Variants in FOXP1 observed in about 807,000 individuals in gnomAD.
The protein encoded by FOXP1 is forkhead box P1.
Under a neutral mutation model 98.2 loss-of-function variants are expected in FOXP1, and 15 were observed. The observed-to-expected ratio is 0.15, with a 90% confidence interval of 0.10 to 0.24. The LOEUF is 0.24. Ranked by LOEUF, FOXP1 falls within the 10% of genes least tolerant of loss-of-function variation. FOXP1 has a pLI of 1.00. For synonymous variants in FOXP1, 371 were observed against 314.5 expected (o/e 1.18, Z -1.90); for missense variants, 633 against 848.5 (o/e 0.75, Z 3.15).
intron 9 of FOXP1, among the ~76,000 whole-genome samples, chr3:71,049,185 C>T (rs1392350413): frequency 1.3e-5 from 2 of 152,136 alleles, no homozygotes; most frequent in Admixed American, 6.5e-5. Context: ...CCTCGAGTTT[C>T]GGATCCCCTC....
At chr3:71,124,705 T>A (rs2059035687) in intron 6 of FOXP1, among the ~76,000 whole-genome samples, 1 of 151,656 alleles carries the variant, frequency 6.6e-6, no homozygotes, top group South Asian at 2.1e-4. Context: ...ATAAAGATTA[T>A]GTGACATGTG....
intron 8 of FOXP1, 63 bp downstream of exon 8, chr3:71,053,573 T>C (rs2050202621): frequency 1.2e-6 from 2 of 1,603,596 alleles, no homozygotes; most frequent in Non-Finnish European, 1.7e-6. Flanking sequence ...AGATTGCGAA[T>C]GGAGTGATGG....
chr3:71,246,261 T>C (rs559546762), intron 5 of FOXP1, among the ~76,000 whole-genome samples: 1 of 152,076 alleles, frequency 6.6e-6, no homozygotes, highest in Non-Finnish European at 1.5e-5. Flanking sequence ...GCCCTCGGTG[T>C]GCAAGGACGG....
At chr3:71,291,179 C>T (rs1449249064) in intron 5 of FOXP1, among the ~76,000 whole-genome samples, 3 of 152,116 alleles carry the variant, frequency 2.0e-5, no homozygotes, top group Non-Finnish European at 4.4e-5. Flanking sequence ...GGCTTGGTGG[C>T]TGTGCTGTCC....
intron 4 of FOXP1, among the ~76,000 whole-genome samples, chr3:71,312,347 A>G (rs1487576663): frequency 6.6e-6 from 1 of 152,046 alleles, no homozygotes; most frequent in Non-Finnish European, 1.5e-5. Context: ...AGCAGGGTGG[A>G]GGTATAGATA....
intron 4 of FOXP1, among the ~76,000 whole-genome samples, chr3:71,327,544 C>T (rs972229073): frequency 2.6e-5 from 4 of 150,964 alleles, no homozygotes; most frequent in Non-Finnish European, 5.9e-5. Flanking sequence ...CCTGCCACCA[C>T]GCCCAGCTAA....
chr3:71,010,352 A>G lies in FOXP1; in HGVS notation c.974+5197T>C, dbSNP rs149287593. Among the ~76,000 whole-genome samples the G allele has an allele frequency of 7.2e-5, 11 of 152,238 alleles. No homozygotes were observed. In the East Asian group the frequency reaches 1.7e-3, roughly 24 times the overall value. On this transcript the variant is annotated intron_variant, in intron 12 of 20. Coordinates refer to ENST00000649528, the MANE Select transcript of FOXP1 (RefSeq NM_001349338.3). ...GACTCCACCTCTTATTAGCTGTGTGACCTTGGGTAAATCATTTAACCTCTC... is the reference window on the plus strand; with the variant it reads ...GACTCCACCTCTTATTAGCTGTGTGGCCTTGGGTAAATCATTTAACCTCTC...
chr3:71,209,242 G>T (rs2064280137), intron 5 of FOXP1, among the ~76,000 whole-genome samples: 1 of 152,150 alleles, frequency 6.6e-6, no homozygotes, highest in South Asian at 2.1e-4. Context: ...AACTACTAAA[G>T]GTTGGATTTG....
At chr3:71,506,241 C>T (rs1220731115) in intron 2 of FOXP1, among the ~76,000 whole-genome samples, 1 of 152,130 alleles carries the variant, frequency 6.6e-6, no homozygotes, top group Admixed American at 6.6e-5. Flanking sequence ...CTGTGATACT[C>T]GTGGTCCAAC....
At chr3:71,055,370 C>T (rs757858287) in intron 7 of FOXP1, among the ~76,000 whole-genome samples, 1 of 152,204 alleles carries the variant, frequency 6.6e-6, no homozygotes, top group African/African-American at 2.4e-5. Flanking sequence ...ATTAACCCAG[C>T]TCTGGAAGGT....
intron 2 of FOXP1, among the ~76,000 whole-genome samples, chr3:71,497,217 A>G (rs2091483054): frequency 1.3e-5 from 2 of 152,214 alleles, no homozygotes; most frequent in Non-Finnish European, 2.9e-5. Context: ...GTAGAATTGT[A>G]TAACTAGAAA....
chr3:70,987,804 T>C (rs1464901260), intron 14 of FOXP1, among the ~76,000 whole-genome samples, 190 bp downstream of exon 14: 1 of 152,128 alleles, frequency 6.6e-6, no homozygotes, highest in Non-Finnish European at 1.5e-5. Context: ...TCATCCTGTA[T>C]CTCCCCAAAT....
At chr3:71,561,172 T>C (rs2046503623) in intron 2 of FOXP1, among the ~76,000 whole-genome samples, 1 of 152,106 alleles carries the variant, frequency 6.6e-6, no homozygotes, top group Non-Finnish European at 1.5e-5. Flanking sequence ...TTCTGGTGCC[T>C]CAGCCTCCTG....
chr3:71,240,697 A>G (rs2067193935), intron 5 of FOXP1, among the ~76,000 whole-genome samples: 1 of 151,444 alleles, frequency 6.6e-6, no homozygotes, highest in African/African-American at 2.4e-5. Flanking sequence ...GCGTGCCACC[A>G]TGCCCGGCTA....
At chr3:71,357,694 A>G (rs2078259501) in intron 4 of FOXP1, among the ~76,000 whole-genome samples, 1 of 152,254 alleles carries the variant, frequency 6.6e-6, no homozygotes, top group African/African-American at 2.4e-5. Flanking sequence ...TGCCTCAGCC[A>G]GGAAAACTAC....
intron 2 of FOXP1, among the ~76,000 whole-genome samples, chr3:71,538,908 GCAT>G (rs1342313704): frequency 6.6e-6 from 1 of 151,980 alleles, no homozygotes; most frequent in African/African-American, 2.4e-5. Flanking sequence ...GTTTTTCTCA[GCAT>G]CATCTGTTAA....
chr3:71,400,967 G>A (rs1345674804), intron 3 of FOXP1, among the ~76,000 whole-genome samples: 1 of 152,184 alleles, frequency 6.6e-6, no homozygotes, highest in Non-Finnish European at 1.5e-5. Flanking sequence ...AGGATCTTCA[G>A]TCAAATTTAC....
chr3:71,403,296 T>C (rs1231535276), intron 3 of FOXP1, among the ~76,000 whole-genome samples: 2 of 152,188 alleles, frequency 1.3e-5, no homozygotes, highest in African/African-American at 4.8e-5. Flanking sequence ...GGAACCCTGA[T>C]TTAACAAAAA....
intron 18 of FOXP1, 23 bp from the exon 19 acceptor site, chr3:70,970,828 C>T (rs748978018): frequency 1.3e-6 from 2 of 1,592,810 alleles, no homozygotes; most frequent in East Asian, 2.2e-5. Flanking sequence ...AACATAAAAA[C>T]TCAAAGTTAA....
Sources: allele counts gnomAD v4.1 joint callset (sites outside exome capture counted in the v4.1 genomes callset), GRCh38; gene constraint gnomAD v4.1.1; transcripts MANE v1.5; gene names NCBI Gene and HGNC (gene_info 2026-07-23, HGNC 2026-07-21).